Variants in SLC46A1 observed in about 807,000 individuals in gnomAD.
The protein encoded by SLC46A1 is proton-coupled folate transporter.
A neutral mutation model predicts 32.1 loss-of-function variants in SLC46A1; 17 were observed. That is an observed-to-expected ratio of 0.53 (90% CI 0.36 to 0.79). The LOEUF is 0.79. Among genes scored for constraint, SLC46A1 ranks in the 30% least tolerant of loss-of-function variants. The probability of loss-of-function intolerance (pLI) is 0.00; values close to 1 mark genes in which losing one functional copy is unlikely to be tolerated. For missense variants in SLC46A1, 517 were observed against 588.2 expected, an observed-to-expected ratio of 0.88 and a Z score of 1.25; for synonymous variants, 240 against 262.7, an observed-to-expected ratio of 0.91 and a Z score of 0.84.
chr17:28,396,085 G>T lies in SLC46A1; in HGVS notation c.*3571C>A. 1 of 1,613,566 alleles carries T rather than the reference G, an allele frequency of 6.2e-7. No individual in the cohort carries two copies. Among genetic ancestry groups the T allele is most frequent in the Non-Finnish European group, 8.5e-7 (1 of 1,179,640 alleles). ...GGTACAAATCACCATGACAGGCAGA[G>T]TGTGGGCAAACAGCTGACTAGCAGC... On this transcript the variant is annotated 3_prime_UTR_variant, in exon 5 of 5. Transcript: ENST00000612814.
intron 3 of SLC46A1, 25 bp from the exon 4 acceptor site, chr17:28,400,791 C>T (rs146288683): frequency 1.3e-6 from 2 of 1,550,542 alleles, no homozygotes; most frequent in Non-Finnish European, 1.7e-6. Context: ...ATACCATACT[C>T]TGGAGTCCGA....
chr17:28,399,800 G>GT, intron 4 of SLC46A1, 87 bp from the exon 5 acceptor site: 1 of 1,441,094 alleles, frequency 6.9e-7, no homozygotes, highest in Non-Finnish European at 9.7e-7. Flanking sequence ...TTACTGGGGT[G>GT]GGCTGGTCCA....
At chr17:28,402,120 A>T in intron 3 of SLC46A1, 118 bp downstream of exon 3, 1 of 809,252 alleles carries the variant, frequency 1.2e-6, no homozygotes, top group Non-Finnish European at 1.9e-6. Context: ...TTGGCCACTT[A>T]CTTCTCCAGG....
rs1555589342 is a variant in SLC46A1, at chr17:28,400,657, G to A, written c.1275C>T (p.Pro425=). ...GCAGGAGGCCAGCTCCCAGGAGGAA[G>A]GGGAACCCCTTCATAAAGTTCAGAG... ...PATLNFMKGF[P]FLLGAGLLLI... is the part of the protein sequence containing the mutation. Residue 425 remains proline (P), a synonymous_variant, in exon 4 of 5, where the codon CCC becomes CCT. Coordinates refer to ENST00000612814, the MANE Select transcript of SLC46A1 (RefSeq NM_080669.6). 6.2e-7 allele frequency: 1 copy of A among 1,613,770 alleles called. No homozygotes were observed. Among genetic ancestry groups the A allele is most frequent in the East Asian group, 2.2e-5 (1 of 44,886 alleles).
Position 28,400,578 on chromosome 17 carries a change from A to G in SLC46A1, c.1322+32T>C, listed in dbSNP as rs1299807970. 7 of 1,612,078 alleles carry G rather than the reference A, an allele frequency of 4.3e-6. No individual in the cohort carries two copies. The Admixed American group carries it at 5.0e-5, about 12-fold the overall frequency. The stretch of plus-strand genomic sequence containing the variant: ...GGAAACTTTTAAGAGAAAGGGCTCC[A>G]TTATGAGCATGGGTTCAGGGCCCTG... On this transcript the variant is annotated intron_variant, in intron 4 of 4. Coordinates refer to ENST00000612814, the MANE Select transcript of SLC46A1 (RefSeq NM_080669.6).
Position 28,404,714 on chromosome 17 carries a change from C to A in SLC46A1, c.983G>T (p.Cys328Phe). The A allele has an allele frequency of 6.2e-7, 1 of 1,613,960 alleles. No homozygotes were observed. Among genetic ancestry groups the A allele is most frequent in the Non-Finnish European group, 8.5e-7 (1 of 1,179,882 alleles). Residue 328 changes from cysteine to phenylalanine, a missense_variant, in exon 2 of 5, where the codon TGC becomes TTC. Physicochemically the swap from Cys to Phe is radical, Grantham distance 205. Coordinates refer to ENST00000612814, the MANE Select transcript of SLC46A1 (RefSeq NM_080669.6). ...CTCAGCTACCCAGGCATCGGCCAGGCAGTACTGCAGGAGCTTCAGGGCCAG... is the reference window on the plus strand; with the variant it reads ...CTCAGCTACCCAGGCATCGGCCAGGAAGTACTGCAGGAGCTTCAGGGCCAG... ...SLLALKLLQY[C>F]LADAWVAEIG...
chr17:28,406,175 T>C lies in SLC46A1; in HGVS notation c.-61A>G. On this transcript the variant is annotated 5_prime_UTR_variant, in exon 1 of 5. Transcript: ENST00000612814. The surrounding 1 kb of genome is among the most constrained non-coding windows in gnomAD (Gnocchi z 4.5). The stretch of plus-strand genomic sequence containing the variant: ...CGGGGCGCGCGAGCGACTCGCTGCC[T>C]GGGACCAGCGACGCGTGGCGTGGGG... 1.6e-6 allele frequency: 2 copies of C among 1,241,288 alleles called. No homozygotes were observed. Among genetic ancestry groups the C allele is most frequent in the Non-Finnish European group, 2.1e-6 (2 of 966,592 alleles). The allele number at this position is 1,241,288 out of a possible 1,614,324, so 76.9% of individuals were successfully genotyped here. A position where few individuals can be genotyped will look rare whatever the true frequency, so the allele number is the denominator to read the frequency against.
intron 3 of SLC46A1, chr17:28,401,112 A>G: frequency 5.7e-6 from 2 of 350,074 alleles, no homozygotes; most frequent in Non-Finnish European, 1.1e-5. Flanking sequence ...CCTCTTTGGA[A>G]TCATCTCCTG....
Position 28,399,332 on chromosome 17 carries a change from C to G in SLC46A1, c.*324G>C. 3.3e-6 allele frequency: 1 copy of G among 304,642 alleles called. No individual in the cohort carries two copies. The highest frequency in any genetic ancestry group is 6.3e-6 in the Non-Finnish European group (1 of 159,516). 18.9% of individuals were successfully genotyped at this position (304,642 alleles called of 1,614,324 possible). Reference sequence around the variant, plus strand: ...GCTGCCTCTGGTCCCTGAAGTGTCACCTCTCTCAGGACCTCTCCTCTGGCC... The same window carrying G: ...GCTGCCTCTGGTCCCTGAAGTGTCAGCTCTCTCAGGACCTCTCCTCTGGCC... On this transcript the variant is annotated 3_prime_UTR_variant, in exon 5 of 5. Coordinates refer to ENST00000612814, the MANE Select transcript of SLC46A1 (RefSeq NM_080669.6).
rs782044500 is a variant in SLC46A1 at position 28,405,466 on chromosome 17, T to C, written c.231A>G (p.Glu77=). Residue 77 remains glutamate, a splice_region_variant and synonymous_variant, in exon 2 of 5, where the codon GAA becomes GAG. Coordinates refer to ENST00000612814, the MANE Select transcript of SLC46A1 (RefSeq NM_080669.6). ...TCCAGTGGGAGGTAAGGGTCTCCAC[T>C]TCCTGTAGGGGCACAATGACCAGGG... is the stretch of plus-strand genomic sequence containing the variant. ...SNRSADPTMQ[E]VETLTSHWTL... is the part of the protein sequence containing the mutation. 2.5e-6 allele frequency: 4 copies of C among 1,597,442 alleles called. No homozygotes were observed. Among genetic ancestry groups the C allele is most frequent in the African/African-American group, 1.3e-5 (1 of 74,600 alleles).
At position 28,395,025 on chromosome 17, in the gene SLC46A1, A is replaced by G. The variant is rs1187065993; in HGVS notation, c.*4631T>C. On this transcript the variant is annotated 3_prime_UTR_variant, in exon 5 of 5. Coordinates refer to ENST00000612814, the MANE Select transcript of SLC46A1 (RefSeq NM_080669.6). ...GGTCTTCCTAAGTAATTACAGAAAA[A>G]AAAAAAATAGGTGGAAGTTGCAGCT... 2 of 151,590 alleles carry G rather than the reference A, an allele frequency of 1.3e-5. No homozygotes were observed. Among genetic ancestry groups the G allele is most frequent in the East Asian group, 3.9e-4 (2 of 5,178 alleles). 9.4% of individuals were successfully genotyped at this position (151,590 alleles called of 1,614,324 possible).
intron 2 of SLC46A1, 115 bp downstream of exon 2, chr17:28,404,501 T>A: frequency 7.3e-7 from 1 of 1,372,162 alleles, no homozygotes; most frequent in Non-Finnish European, 1.0e-6. Context: ...GCTGGGGGCA[T>A]AACTATGTTT....
chr17:28,396,153 A>G lies in SLC46A1; in HGVS notation c.*3503T>C. On this transcript the variant is annotated 3_prime_UTR_variant, in exon 5 of 5. Transcript: ENST00000612814. ...CTGAACCACATTGGCTCCTGTGCCC[A>G]CAGGTGGTCCCACGAATACCAGGAG... 1.2e-6 allele frequency: 2 copies of G among 1,613,924 alleles called. No individual in the cohort carries two copies. Among genetic ancestry groups the G allele is most frequent in the Non-Finnish European group, 1.7e-6 (2 of 1,179,852 alleles).
chr17:28,396,687 C>A lies in SLC46A1; in HGVS notation c.*2969G>T, dbSNP rs1185555420. 5.0e-6 allele frequency: 1 copy of A among 201,420 alleles called. No homozygotes were observed. The highest frequency in any genetic ancestry group is 1.0e-5 in the Non-Finnish European group (1 of 98,894). 12.5% of individuals were successfully genotyped at this position (201,420 alleles called of 1,614,324 possible). ...GACAGGAATTAAGGCAATGCCCAGG[C>A]GGGCCTGGGCACTGTATTCTGAGCA... On this transcript the variant is annotated 3_prime_UTR_variant, in exon 5 of 5. Transcript: ENST00000612814.
At chr17:28,404,351 T>G in intron 2 of SLC46A1, 2 of 518,198 alleles carry the variant, frequency 3.9e-6, no homozygotes, top group South Asian at 4.1e-5. Context: ...GCCACACTTT[T>G]GTCTTTTGCT....
intron 3 of SLC46A1, 143 bp from the exon 4 acceptor site, chr17:28,400,909 TA>T: frequency 2.6e-6 from 2 of 756,636 alleles, no homozygotes; most frequent in Non-Finnish European, 4.5e-6. Flanking sequence ...CTACATCATG[TA>T]CTGTGACAAG....
chr17:28,406,241 T>C (rs1292503129), upstream of SLC46A1: 3 of 706,292 alleles, frequency 4.2e-6, no homozygotes, highest in Non-Finnish European at 6.0e-6. This position sits in a 1 kb window ranked among gnomAD's most constrained non-coding sequence, Gnocchi z 4.5. Context: ...CCTCCTTAAA[T>C]GTCCGGCGGG....
At position 28,400,606 on chromosome 17, in the gene SLC46A1, T is replaced by C; in HGVS notation, c.1322+4A>G. 6.2e-7 allele frequency: 1 copy of C among 1,613,580 alleles called. No individual in the cohort carries two copies. The highest frequency in any genetic ancestry group is 8.5e-7 in the Non-Finnish European group (1 of 1,179,718). ...ATGAGCATGGGTTCAGGGCCCTGCA[T>C]TACCCAATCAGAACAGCCGGGATGA... On this transcript the variant is annotated splice_donor_region_variant and intron_variant, in intron 4 of 4. Coordinates refer to ENST00000612814, the MANE Select transcript of SLC46A1 (RefSeq NM_080669.6).
intron 4 of SLC46A1, chr17:28,400,085 A>G (rs1178965977): frequency 1.5e-5 from 4 of 267,832 alleles, no homozygotes; most frequent in Middle Eastern, 1.3e-3. Context: ...TATACAGACA[A>G]GGTCTTGCTA....
Sources: allele counts gnomAD v4.1 joint callset, GRCh38; gene constraint gnomAD v4.1.1; non-coding constraint Gnocchi (gnomAD v3.1); transcripts MANE v1.5; gene names NCBI Gene and HGNC (gene_info 2026-07-23, HGNC 2026-07-21).